FAM78A: variants seen among roughly 807,000 people sequenced by gnomAD.
FAM78A encodes protein FAM78A.
FAM78A carries 12 observed loss-of-function variants against 22.6 expected under a neutral mutation model. That is an observed-to-expected ratio of 0.53 (90% confidence interval 0.34 to 0.86). The LOEUF (loss-of-function observed/expected upper bound fraction) is 0.86. FAM78A is among the 40% of genes least tolerant of loss of function. FAM78A has a pLI of 0.02. For missense variants in FAM78A, 322 were observed against 396.1 expected, an observed-to-expected ratio of 0.81 and a Z score of 1.59; for synonymous variants, 151 against 155.8, an observed-to-expected ratio of 0.97 and a Z score of 0.23.
At position 131,275,620 on chromosome 9, in the gene FAM78A, G is replaced by A. The variant is rs533584916; in HGVS notation, c.323+237C>T. ...CTTGCAGGGAAGGACACAGGAACCC[G>A]GGGGGAACAGTGGCAGGGTAGATTG... is the stretch of plus-strand genomic sequence containing the variant. On this transcript the variant is annotated intron_variant, in intron 1 of 1. Coordinates refer to ENST00000372271, the MANE Select transcript of FAM78A (RefSeq NM_033387.4). The surrounding 1 kb of genome is among the most constrained non-coding windows in gnomAD (Gnocchi z 4.6). Among the ~76,000 whole-genome samples, 23 of 152,282 alleles carry A rather than the reference G, an allele frequency of 1.5e-4. No homozygotes were observed. The highest frequency in any genetic ancestry group is 5.5e-4 in the African/African-American group (23 of 41,552).
chr9:131,270,351 G>A, intron 1 of FAM78A: 1 of 717,476 alleles, frequency 1.4e-6, no homozygotes, highest in East Asian at 2.7e-5. Context: ...CCAAACACTG[G>A]GCACGACTGA....
In FAM78A at chr9:131,259,345, G is replaced by C. The variant is rs1835229357; in HGVS notation, c.*1477C>G. ...TGGGACCGAGGGAGGGCAGGTCCCA[G>C]GGATGGGCTTCCAGACGTCTGTCCT... On this transcript the variant is annotated 3_prime_UTR_variant, in exon 2 of 2. Transcript: ENST00000372271. 1.3e-5 allele frequency: 2 copies of C among 152,402 alleles called. No homozygotes were observed. The highest frequency in any genetic ancestry group is 1.3e-4 in the Admixed American group (2 of 15,296). 9.4% of individuals were successfully genotyped at this position (152,402 alleles called of 1,614,324 possible).
upstream of FAM78A, among the ~76,000 whole-genome samples, chr9:131,277,995 G>T (rs971741709): frequency 2.1e-5 from 3 of 145,840 alleles, no homozygotes; most frequent in Admixed American, 6.8e-5. This position sits in a 1 kb window ranked among gnomAD's most constrained non-coding sequence, Gnocchi z 8.4. Context: ...GCCGGCGCAC[G>T]CAGGGACCGC....
Position 131,261,020 on chromosome 9 carries a change from C to T in FAM78A, c.654G>A (p.Glu218=), listed in dbSNP as rs1167105208. The change falls in exon 2 of 2, where the codon GAG becomes GAA. Residue 218 remains glutamate (E), a synonymous_variant. Transcript: ENST00000372271. This position sits in a 1 kb window ranked among gnomAD's most constrained non-coding sequence, Gnocchi z 7.1. Reference sequence around the variant, plus strand: ...GGCCCAGGGGCCGGTTGGGGTTCACCTCGATGCTGAGCTGCATGCGCCAGT... The same window carrying T: ...GGCCCAGGGGCCGGTTGGGGTTCACTTCGATGCTGAGCTGCATGCGCCAGT... The part of the protein sequence containing the change: ...TLHWRMQLSI[E]VNPNRPLGQR... The T allele has an allele frequency of 6.2e-7, 1 of 1,614,020 alleles. No individual in the cohort carries two copies. Among genetic ancestry groups the T allele is most frequent in the Non-Finnish European group, 8.5e-7 (1 of 1,179,984 alleles).
rs747791902 is a variant in FAM78A, at chr9:131,276,007, G to A, written c.173C>T (p.Ser58Phe). 1.2e-6 allele frequency: 2 copies of A among 1,613,622 alleles called. No individual in the cohort carries two copies. Among genetic ancestry groups the A allele is most frequent in the East Asian group, 2.2e-5 (1 of 44,896 alleles). ...DPVPTSIDES[S>F]SVVLRYRTPH... ...TGTCCGGTAGCGGAGCACCACGCTG[G>A]AGGACTCATCGATGCTAGTGGGGAC... Residue 58 changes from serine to phenylalanine, a missense_variant, in exon 1 of 2, where the codon TCC becomes TTC. Transcript: ENST00000372271. This position sits in a 1 kb window ranked among gnomAD's most constrained non-coding sequence, Gnocchi z 4.3.
Position 131,258,671 on chromosome 9 carries a change from G to T in FAM78A, c.*2151C>A, listed in dbSNP as rs1171692982. On this transcript the variant is annotated 3_prime_UTR_variant, in exon 2 of 2. Transcript: ENST00000372271. Reference sequence around the variant, plus strand: ...GAGACCCGCTTCCTGAACCCCCAGGGTCCTGTCCCTGCTTTAGTGCAACAA... The same window carrying T: ...GAGACCCGCTTCCTGAACCCCCAGGTTCCTGTCCCTGCTTTAGTGCAACAA... 2.0e-5 allele frequency: 3 copies of T among 152,304 alleles called. No individual in the cohort carries two copies. The highest frequency in any genetic ancestry group is 7.2e-5 in the African/African-American group (3 of 41,448). The allele number at this position is 152,304 out of a possible 1,614,324, so 9.4% of individuals were successfully genotyped here. A position where few individuals can be genotyped will look rare whatever the true frequency, so the allele number is the denominator to read the frequency against.
chr9:131,263,256 A>C (rs922443967), intron 1 of FAM78A, among the ~76,000 whole-genome samples: 8 of 143,944 alleles, frequency 5.6e-5, no homozygotes, highest in African/African-American at 1.8e-4. Flanking sequence ...AAAAAAAAAG[A>C]AAAAGAAAAG....
chr9:131,260,848 C>T lies in FAM78A; in HGVS notation c.826G>A (p.Val276Met). 6.6e-7 allele frequency: 1 copy of T among 1,523,840 alleles called. No individual in the cohort carries two copies. Among genetic ancestry groups the T allele is most frequent in the Non-Finnish European group, 8.8e-7 (1 of 1,135,480 alleles). The allele number at this position is 1,523,840 out of a possible 1,614,324, so 94.4% of individuals were successfully genotyped here. ...MWRPKYGQPL[V>M]VIPPKHR Reference sequence around the variant, plus strand: ...CACCGGTGCTTGGGCGGGATCACCACCAGCGGCTGCCCGTACTTGGGCCGC... The same window carrying T: ...CACCGGTGCTTGGGCGGGATCACCATCAGCGGCTGCCCGTACTTGGGCCGC... Residue 276 changes from valine (V) to methionine (M), a missense_variant, in exon 2 of 2, where the codon GTG becomes ATG. By Grantham distance (21) the Val-to-Met change is conservative (BLOSUM62 1). Coordinates refer to ENST00000372271, the MANE Select transcript of FAM78A (RefSeq NM_033387.4). The surrounding 1 kb of genome is among the most constrained non-coding windows in gnomAD (Gnocchi z 5.4).
chr9:131,263,321 G>A (rs575618750), intron 1 of FAM78A, among the ~76,000 whole-genome samples: 57 of 151,874 alleles, frequency 3.8e-4, no homozygotes, highest in African/African-American at 1.3e-3. Context: ...CAGACCTAAT[G>A]CCACTGAGCT....
chr9:131,280,683 A>G (rs928294223), upstream of FAM78A, among the ~76,000 whole-genome samples: 1 of 152,206 alleles, frequency 6.6e-6, no homozygotes, highest in African/African-American at 2.4e-5. Flanking sequence ...AGAAGTCATG[A>G]AAACCCAAAG....
intron 1 of FAM78A, chr9:131,270,285 T>A (rs1344815275): frequency 1.4e-6 from 1 of 717,444 alleles, no homozygotes; most frequent in Non-Finnish European, 2.6e-6. Flanking sequence ...CCTCTCAGCA[T>A]CCTCACCTGC....
rs909114230 is a variant in FAM78A, at chr9:131,272,815, C to G, written c.323+3042G>C. 6.6e-6 allele frequency among the ~76,000 whole-genome samples: 1 copy of G among 152,166 alleles called. No individual in the cohort carries two copies. The highest frequency in any genetic ancestry group is 2.4e-5 in the African/African-American group (1 of 41,412). On this transcript the variant is annotated intron_variant, in intron 1 of 1. Transcript: ENST00000372271. This position sits in a 1 kb window ranked among gnomAD's most constrained non-coding sequence, Gnocchi z 4.1. ...GCATGGTGGCGCATGCCTGTAATCC[C>G]AGCTACTCTGGAGGCTGGAGCCGGA...
At chr9:131,279,346 C>T (rs1020608844), upstream of FAM78A, among the ~76,000 whole-genome samples, 2 of 152,260 alleles carry the variant, frequency 1.3e-5, no homozygotes, top group African/African-American at 4.8e-5. Flanking sequence ...CCCCACAAAA[C>T]CTTCTGTCCC....
Position 131,275,800 on chromosome 9 carries a change from G to T in FAM78A, c.323+57C>A. ...CCCCCTATCCGCGGCCCCCCACCAGGCCTCCAAGCTCGGCCATCCCTAGCA... is the reference window on the plus strand; with the variant it reads ...CCCCCTATCCGCGGCCCCCCACCAGTCCTCCAAGCTCGGCCATCCCTAGCA... On this transcript the variant is annotated intron_variant, in intron 1 of 1. Coordinates refer to ENST00000372271, the MANE Select transcript of FAM78A (RefSeq NM_033387.4). This position sits in a 1 kb window ranked among gnomAD's most constrained non-coding sequence, Gnocchi z 4.6. 1.3e-6 allele frequency: 2 copies of T among 1,509,274 alleles called. No individual in the cohort carries two copies. Among genetic ancestry groups the T allele is most frequent in the Non-Finnish European group, 8.9e-7 (1 of 1,125,010 alleles). The allele number at this position is 1,509,274 out of a possible 1,614,324, so 93.5% of individuals were successfully genotyped here.
At position 131,261,182 on chromosome 9, in the gene FAM78A, G is replaced by C. The variant is rs747106045; in HGVS notation, c.492C>G (p.Pro164=). 1.2e-5 allele frequency: 19 copies of C among 1,613,990 alleles called. No individual in the cohort carries two copies. Among genetic ancestry groups the C allele is most frequent in the African/African-American group, 2.7e-5 (2 of 74,904 alleles). The part of the protein sequence containing the change: ...FIISMNDNFY[P]SVTWAVPVSE... ...TGACGGGCACGGCCCATGTGACGCT[G>C]GGGTAAAAGTTGTCATTCATGCTGA... Residue 164 remains proline (P), a synonymous_variant, in exon 2 of 2, where the codon CCC becomes CCG. Transcript: ENST00000372271. This position sits in a 1 kb window ranked among gnomAD's most constrained non-coding sequence, Gnocchi z 7.1.
Position 131,275,947 on chromosome 9 carries a change from G to T in FAM78A, c.233C>A (p.Pro78Gln), listed in dbSNP as rs765307830. The T allele has an allele frequency of 6.2e-7, 1 of 1,613,342 alleles. No homozygotes were observed. Among genetic ancestry groups the T allele is most frequent in the Non-Finnish European group, 8.5e-7 (1 of 1,180,010 alleles). The change falls in exon 1 of 2, where the codon CCG (proline) becomes CAG (glutamine). Residue 78 changes from proline (P) to glutamine (Q), a missense_variant. Physicochemically the swap from Pro to Gln is moderately conservative, Grantham distance 76. Transcript: ENST00000372271. This position sits in a 1 kb window ranked among gnomAD's most constrained non-coding sequence, Gnocchi z 4.6. Reference sequence around the variant, plus strand: ...CCAAGTCTCCTTCTTGGGGATGGGCGGCATGACCACCTGGGCCGAGGCCCG... The same window carrying T: ...CCAAGTCTCCTTCTTGGGGATGGGCTGCATGACCACCTGGGCCGAGGCCCG... ...HFRASAQVVMPPIPKKETWVV... is the reference protein window; with the variant it reads ...HFRASAQVVMQPIPKKETWVV...
At position 131,275,769 on chromosome 9, in the gene FAM78A, C is replaced by A. The variant is rs1835474914; in HGVS notation, c.323+88G>T. The A allele has an allele frequency of 1.4e-6, 2 of 1,382,678 alleles. No homozygotes were observed. Among genetic ancestry groups the A allele is most frequent in the Non-Finnish European group, 1.9e-6 (2 of 1,025,756 alleles). 85.7% of individuals were successfully genotyped at this position (1,382,678 alleles called of 1,614,324 possible). A position where few individuals can be genotyped will look rare whatever the true frequency, so the allele number is the denominator to read the frequency against. ...CTCCGTCCTGTCTTCATGGTATCTCCACCTTCCCCCTATCCGCGGCCCCCC... is the reference window on the plus strand; with the variant it reads ...CTCCGTCCTGTCTTCATGGTATCTCAACCTTCCCCCTATCCGCGGCCCCCC... On this transcript the variant is annotated intron_variant, in intron 1 of 1. Transcript: ENST00000372271. This position sits in a 1 kb window ranked among gnomAD's most constrained non-coding sequence, Gnocchi z 4.6.
upstream of FAM78A, among the ~76,000 whole-genome samples, chr9:131,280,557 G>A (rs1564241507): frequency 6.6e-6 from 1 of 152,176 alleles, no homozygotes; most frequent in Non-Finnish European, 1.5e-5. Context: ...GAGGAGGGGT[G>A]GGGAGACACG....
chr9:131,277,264 C>T (rs1835499013), upstream of FAM78A, among the ~76,000 whole-genome samples: 1 of 151,974 alleles, frequency 6.6e-6, no homozygotes, highest in Admixed American at 6.6e-5. This position sits in a 1 kb window ranked among gnomAD's most constrained non-coding sequence, Gnocchi z 8.4. Context: ...GCTCTGTCCC[C>T]ACCGCCGCGC....
Sources: gnomAD v4.1 joint callset for allele counts (sites outside exome capture counted in the v4.1 genomes callset) on GRCh38, gnomAD v4.1.1 for gene constraint, Gnocchi (gnomAD v3.1) non-coding constraint, MANE v1.5 for transcripts, NCBI Gene and HGNC (gene_info 2026-07-23, HGNC 2026-07-21) for gene names.